PSMB1: variants seen among roughly 807,000 people sequenced by gnomAD.
PSMB1 encodes proteasome 20S subunit beta 1, also known as proteasome subunit beta type-1.
PSMB1 carries 7 observed loss-of-function variants against 25.4 expected under a neutral mutation model. The observed-to-expected ratio is 0.28, with a 90% CI of 0.16 to 0.52. The LOEUF (loss-of-function observed/expected upper bound fraction) is 0.52. Ranked by LOEUF, PSMB1 falls within the 20% of genes least tolerant of loss-of-function variation. PSMB1 has a pLI of 0.97. For missense variants in PSMB1, 284 were observed against 302.2 expected, an observed-to-expected ratio of 0.94 and a Z score of 0.45; for synonymous variants, 119 against 115.0, an observed-to-expected ratio of 1.03 and a Z score of -0.22.
chr6:170,548,125 G>C (rs1778844636), intron 2 of PSMB1, among the ~76,000 whole-genome samples: 1 of 152,172 alleles, frequency 6.6e-6, no homozygotes, highest in South Asian at 2.1e-4. Flanking sequence ...AAACAGAACT[G>C]GGAAGACGAA....
intron 4 of PSMB1, among the ~76,000 whole-genome samples, chr6:170,539,884 A>C (rs916998450): frequency 2.0e-5 from 3 of 152,228 alleles, no homozygotes; most frequent in African/African-American, 7.2e-5. Flanking sequence ...AGCAGCAAAA[A>C]CAGAAGACAA....
In PSMB1 at chr6:170,546,263, A is replaced by AT. The variant is rs1439608012; in HGVS notation, c.222-80dup. The AT allele has an allele frequency of 5.1e-6, 6 of 1,171,670 alleles. No individual in the cohort carries two copies. The East Asian group carries it at 1.5e-4, about 29-fold the overall frequency. The allele number at this position is 1,171,670 out of a possible 1,614,324, so 72.6% of individuals were successfully genotyped here. On this transcript the variant is annotated intron_variant, in intron 2 of 5. Transcript: ENST00000262193. ...TATCTTCGGCAATTTTAAATTTAAA[A>AT]TTCTGATTCCCACTATTCCCTAAAT...
At chr6:170,545,970 G>C (rs1225260005) in intron 3 of PSMB1, 133 bp downstream of exon 3, 16 of 698,854 alleles carry the variant, frequency 2.3e-5, no homozygotes, top group Non-Finnish European at 3.4e-5. Flanking sequence ...TTCATTTCTA[G>C]CATACATTTG....
At chr6:170,542,750 C>T (rs1055828667) in intron 4 of PSMB1, among the ~76,000 whole-genome samples, 1 of 152,170 alleles carries the variant, frequency 6.6e-6, no homozygotes, top group South Asian at 2.1e-4. Flanking sequence ...AATTCCTCTG[C>T]CCCTACTTTT....
At chr6:170,549,228 G>T in intron 1 of PSMB1, 115 bp from the exon 2 acceptor site, 1 of 523,256 alleles carries the variant, frequency 1.9e-6, no homozygotes, top group Non-Finnish European at 3.3e-6. Flanking sequence ...ACAAAAACAT[G>T]ATTCAAATGG....
chr6:170,542,727 A>C (rs1195099340), intron 4 of PSMB1, among the ~76,000 whole-genome samples: 1 of 152,166 alleles, frequency 6.6e-6, no homozygotes, highest in Non-Finnish European at 1.5e-5. Flanking sequence ...GGTTCGGGGC[A>C]GTCCCTTACA....
In PSMB1 at chr6:170,546,013, T is replaced by C; in HGVS notation, c.303+90A>G. On this transcript the variant is annotated intron_variant, in intron 3 of 5. Coordinates refer to ENST00000262193, the MANE Select transcript of PSMB1 (RefSeq NM_002793.4). ...TCTACTAACCTAGTGACTCTCTAGCTATCTGACCAACAGTCATGCTGTAGG... is the reference window on the plus strand; with the variant it reads ...TCTACTAACCTAGTGACTCTCTAGCCATCTGACCAACAGTCATGCTGTAGG... The C allele has an allele frequency of 3.6e-6, 4 of 1,096,384 alleles. No individual in the cohort carries two copies. In the Middle Eastern group the frequency reaches 6.9e-4, roughly 188 times the overall value. 67.9% of individuals were successfully genotyped at this position (1,096,384 alleles called of 1,614,324 possible).
chr6:170,548,941 G>C, intron 2 of PSMB1, 65 bp downstream of exon 2: 1 of 1,209,842 alleles, frequency 8.3e-7, no homozygotes, highest in East Asian at 2.4e-5. Context: ...TTTAGAAGTA[G>C]AAACTCTCAC....
In PSMB1 at chr6:170,550,912, G is replaced by A. The variant is rs898553630; in HGVS notation, c.114-1799C>T. 4.0e-4 allele frequency among the ~76,000 whole-genome samples: 59 copies of A among 148,906 alleles called. 2 individuals carry two copies. Among genetic ancestry groups the A allele is most frequent in the African/African-American group, 1.4e-3 (56 of 40,464 alleles). On this transcript the variant is annotated intron_variant, in intron 1 of 5. Coordinates refer to ENST00000262193, the MANE Select transcript of PSMB1 (RefSeq NM_002793.4). ...AACACTTTGGGAGGCTGAGGGGGGG[G>A]GGGGGGGTCAATTGCCTGAGATCAG...
At chr6:170,539,185 A>G (rs1219981507) in intron 4 of PSMB1, among the ~76,000 whole-genome samples, 1 of 152,234 alleles carries the variant, frequency 6.6e-6, no homozygotes. Context: ...CAAAAAGCAC[A>G]ATCATTTCAA....
In PSMB1 at chr6:170,549,052, C is replaced by T; in HGVS notation, c.175G>A (p.Glu59Lys). 1 of 1,613,934 alleles carries T rather than the reference C, an allele frequency of 6.2e-7. No homozygotes were observed. Among genetic ancestry groups the T allele is most frequent in the Non-Finnish European group, 8.5e-7 (1 of 1,179,876 alleles). The part of the protein sequence containing the change: ...AIVASDTRLS[E>K]GFSIHTRDSP... ...TCCCGCGTATGAATTGAAAACCCTT[C>T]ACTCAATCGAGTATCAGAAGCAACA... The change falls in exon 2 of 6, where the codon GAA becomes AAA. Residue 59 changes from glutamate (E) to lysine (K), a missense_variant. Physicochemically the swap from Glu to Lys is moderately conservative, Grantham distance 56. Transcript: ENST00000262193.
chr6:170,541,378 T>C (rs570559990), intron 4 of PSMB1, among the ~76,000 whole-genome samples: 15 of 152,216 alleles, frequency 9.9e-5, no homozygotes, highest in South Asian at 2.1e-4. Flanking sequence ...GCAACAAAGA[T>C]CAATATCTAT....
chr6:170,543,495 T>A, intron 4 of PSMB1, 106 bp downstream of exon 4: 5 of 1,142,340 alleles, frequency 4.4e-6, no homozygotes, highest in Non-Finnish European at 6.0e-6. Flanking sequence ...GAAATGAGAA[T>A]TGTGTCAGAT....
chr6:170,540,909 G>A (rs1285997082), intron 4 of PSMB1, among the ~76,000 whole-genome samples: 1 of 152,108 alleles, frequency 6.6e-6, no homozygotes, highest in African/African-American at 2.4e-5. Flanking sequence ...AATCCAGGTG[G>A]TTGTGGAGAA....
chr6:170,541,234 G>T (rs1381645290), intron 4 of PSMB1, among the ~76,000 whole-genome samples: 2 of 151,988 alleles, frequency 1.3e-5, no homozygotes, highest in Non-Finnish European at 2.9e-5. Flanking sequence ...ACAACCAGAT[G>T]AATTGTACTC....
chr6:170,550,874 C>A (rs187082328), intron 1 of PSMB1, among the ~76,000 whole-genome samples: 1 of 137,102 alleles, frequency 7.3e-6, no homozygotes, highest in Admixed American at 8.6e-5. Flanking sequence ...CGGTGGCTCA[C>A]ACCTGTAATC....
chr6:170,536,654 C>T (rs1431640128), intron 5 of PSMB1, among the ~76,000 whole-genome samples: 1 of 152,110 alleles, frequency 6.6e-6, no homozygotes, highest in African/African-American at 2.4e-5. Flanking sequence ...ATTCTCTTTC[C>T]TGTAGTTTAT....
At position 170,549,062 on chromosome 6, in the gene PSMB1, A is replaced by G. The variant is rs1265858181; in HGVS notation, c.165T>C (p.Thr55=). 6.2e-7 allele frequency: 1 copy of G among 1,613,880 alleles called. No homozygotes were observed. The highest frequency in any genetic ancestry group is 1.3e-5 in the African/African-American group (1 of 74,922). The change falls in exon 2 of 6, where the codon ACT becomes ACC. Residue 55 remains threonine, a synonymous_variant. Transcript: ENST00000262193. ...GEDFAIVASD[T]RLSEGFSIHT... ...GAATTGAAAACCCTTCACTCAATCGAGTATCAGAAGCAACAATTGCAAAAT... is the reference window on the plus strand; with the variant it reads ...GAATTGAAAACCCTTCACTCAATCGGGTATCAGAAGCAACAATTGCAAAAT...
chr6:170,544,737 G>A (rs115367920), intron 3 of PSMB1, among the ~76,000 whole-genome samples: 2,936 of 152,132 alleles, frequency 0.019, 96 homozygotes, highest in African/African-American at 0.067. Context: ...AACTAGCACC[G>A]TAAAATTAAA....
Sources: allele counts gnomAD v4.1 joint callset (sites outside exome capture counted in the v4.1 genomes callset), GRCh38; gene constraint gnomAD v4.1.1; transcripts MANE v1.5; gene names NCBI Gene and HGNC (gene_info 2026-07-23, HGNC 2026-07-21).